SWT1: variants seen among roughly 807,000 people sequenced by gnomAD.
The protein encoded by SWT1 is transcriptional protein SWT1.
In SWT1, 33 loss-of-function variants were observed where a neutral mutation model predicts 107.3. The observed-to-expected ratio is 0.31, with a 90% CI of 0.23 to 0.41. The LOEUF (loss-of-function observed/expected upper bound fraction) is 0.41. Among genes scored for constraint, SWT1 ranks in the 10% least tolerant of loss-of-function variants. The pLI, the probability that SWT1 is intolerant of heterozygous loss-of-function variation, is 1.00. For synonymous variants in SWT1, 345 were observed against 348.3 expected, an observed-to-expected ratio of 0.99 and a Z score of 0.11; for missense variants, 898 against 1,028.9, an observed-to-expected ratio of 0.87 and a Z score of 1.74.
intron 5 of SWT1, chr1:185,176,749 C>A: frequency 4.5e-6 from 4 of 884,350 alleles, no homozygotes; most frequent in Non-Finnish European, 5.4e-6. Context: ...CTTTGGGAGG[C>A]CGAGGTGGGC....
intron 14 of SWT1, among the ~76,000 whole-genome samples, chr1:185,218,482 A>T (rs1659392797): frequency 6.6e-6 from 1 of 151,946 alleles, no homozygotes; most frequent in African/African-American, 2.4e-5. Flanking sequence ...GCTAATTTTT[A>T]AATTTTTTTG....
In SWT1 at chr1:185,237,635, C is replaced by T. The variant is rs1411820683; in HGVS notation, c.2441+5927C>T. On this transcript the variant is annotated intron_variant, in intron 16 of 18. Transcript: ENST00000367500. ...ATGGGTGCAGGAAACCACAATGGAA[C>T]GTGTATACCTATGTAACAAACCTGC... 2.0e-5 allele frequency among the ~76,000 whole-genome samples: 3 copies of T among 152,068 alleles called. No individual in the cohort carries two copies. In the East Asian group the frequency reaches 5.8e-4, roughly 29 times the overall value.
chr1:185,221,627 A>G (rs924824478), intron 14 of SWT1, among the ~76,000 whole-genome samples: 1 of 152,184 alleles, frequency 6.6e-6, no homozygotes, highest in African/African-American at 2.4e-5. Flanking sequence ...AGCGAAACAA[A>G]TCATTATAAG....
At chr1:185,207,788 C>G (rs1658456202) in intron 13 of SWT1, among the ~76,000 whole-genome samples, 1 of 152,048 alleles carries the variant, frequency 6.6e-6, no homozygotes, top group Non-Finnish European at 1.5e-5. Flanking sequence ...GTAGACCCAG[C>G]TACTTGGGAG....
At position 185,231,613 on chromosome 1, in the gene SWT1, T is replaced by C. The variant is rs1660513489; in HGVS notation, c.2346T>C (p.Ala782=). Residue 782 remains alanine, a synonymous_variant, in exon 16 of 19, where the codon GCT becomes GCC. Coordinates refer to ENST00000367500, the MANE Select transcript of SWT1 (RefSeq NM_017673.7). ...DVFQRLGSNS[A]LTTSNIASFE... is the part of the protein sequence containing the mutation. ...TTCAAAGATTGGGCTCAAATTCAGC[T>C]CTGACTACTTCAAATATAGCATCAT... 6.2e-7 allele frequency: 1 copy of C among 1,610,860 alleles called. No homozygotes were observed. Among genetic ancestry groups the C allele is most frequent in the African/African-American group, 1.3e-5 (1 of 74,980 alleles).
At chr1:185,240,978 A>C (rs1243238785) in intron 16 of SWT1, among the ~76,000 whole-genome samples, 1 of 152,106 alleles carries the variant, frequency 6.6e-6, no homozygotes, top group East Asian at 1.9e-4. Context: ...ATATGCTTCA[A>C]AGATACTGAT....
At chr1:185,187,704 G>C (rs1430208967) in intron 9 of SWT1, among the ~76,000 whole-genome samples, 1 of 151,792 alleles carries the variant, frequency 6.6e-6, no homozygotes, top group East Asian at 1.9e-4. Flanking sequence ...ATTTTTTTGA[G>C]ATGGAGTTTT....
intron 18 of SWT1, among the ~76,000 whole-genome samples, chr1:185,278,432 T>C (rs1664395127): frequency 6.6e-6 from 1 of 152,136 alleles, no homozygotes; most frequent in African/African-American, 2.4e-5. Context: ...CTGTGAGAAA[T>C]TTATCTTGTT....
chr1:185,259,584 T>C (rs1662881652), intron 16 of SWT1, among the ~76,000 whole-genome samples: 1 of 152,156 alleles, frequency 6.6e-6, no homozygotes, highest in African/African-American at 2.4e-5. Flanking sequence ...AAAATATTTA[T>C]AAATTGAGTG....
At chr1:185,285,524 G>A (rs1287131430) in intron 18 of SWT1, among the ~76,000 whole-genome samples, 1 of 152,088 alleles carries the variant, frequency 6.6e-6, no homozygotes, top group East Asian at 1.9e-4. Context: ...ATCCTTTGGT[G>A]CACAAAAGTT....
At position 185,205,115 on chromosome 1, in the gene SWT1, C is replaced by T. The variant is rs549215870; in HGVS notation, c.1833+252C>T. Among the ~76,000 whole-genome samples, 8 of 152,118 alleles carry T rather than the reference C, an allele frequency of 5.3e-5. No individual in the cohort carries two copies. The East Asian group carries it at 7.7e-4, about 15-fold the overall frequency. On this transcript the variant is annotated intron_variant, in intron 12 of 18. Coordinates refer to ENST00000367500, the MANE Select transcript of SWT1 (RefSeq NM_017673.7). ...TTGCATCTGCTGTGTGTCAGATGCA[C>T]TGTCCCATGGTGCTTAAATTGAATG...
chr1:185,238,037 A>G (rs1314067179), intron 16 of SWT1, among the ~76,000 whole-genome samples: 1 of 150,906 alleles, frequency 6.6e-6, no homozygotes, highest in Non-Finnish European at 1.5e-5. Context: ...CCCAGGCTGG[A>G]GTACAGTGGA....
chr1:185,226,637 TTTAG>T (rs1660079406), intron 15 of SWT1, among the ~76,000 whole-genome samples: 1 of 152,156 alleles, frequency 6.6e-6, no homozygotes, highest in South Asian at 2.1e-4. Flanking sequence ...TTACAAGGAA[TTTAG>T]TTAAGTGTTA....
intron 16 of SWT1, among the ~76,000 whole-genome samples, chr1:185,270,426 G>T (rs1421694265): frequency 6.6e-6 from 1 of 152,092 alleles, no homozygotes; most frequent in South Asian, 2.1e-4. Context: ...TTATGGCCGG[G>T]TGCTGTGGCT....
rs111545687 is a variant in SWT1, at chr1:185,201,981, C to A, written c.1524-673C>A. The stretch of plus-strand genomic sequence containing the variant: ...TGGTTTAGATTTTATAATTCTCATT[C>A]GTAGTAGGGTTAGTGTGACCAAACT... On this transcript the variant is annotated intron_variant, in intron 10 of 18. Coordinates refer to ENST00000367500, the MANE Select transcript of SWT1 (RefSeq NM_017673.7). Among the ~76,000 whole-genome samples the A allele has an allele frequency of 6.8e-4, 104 of 152,004 alleles. 1 individual carries two copies. In the Middle Eastern group the frequency reaches 0.014, roughly 20 times the overall value.
chr1:185,266,073 T>A (rs1021532958), intron 16 of SWT1, among the ~76,000 whole-genome samples: 6 of 152,284 alleles, frequency 3.9e-5, no homozygotes, highest in Admixed American at 3.3e-4. Context: ...AATTTTATTT[T>A]TTTTTTCTGA....
intron 14 of SWT1, among the ~76,000 whole-genome samples, chr1:185,217,366 A>G (rs1009561926): frequency 5.3e-5 from 8 of 152,178 alleles, no homozygotes; most frequent in Admixed American, 3.9e-4. Flanking sequence ...TTACTGTCTG[A>G]GCCCCACCTT....
At chr1:185,272,063 A>G (rs534380606) in intron 17 of SWT1, among the ~76,000 whole-genome samples, 1 of 152,308 alleles carries the variant, frequency 6.6e-6, no homozygotes, top group African/African-American at 2.4e-5. Context: ...TGTTGTGACA[A>G]CCAAAAGTAT....
rs1375981476 is a variant in SWT1 at position 185,173,699 on chromosome 1, C to T, written c.225-673C>T. Among the ~76,000 whole-genome samples, 3 of 151,450 alleles carry T rather than the reference C, an allele frequency of 2.0e-5. 1 individual carries two copies. The highest frequency in any genetic ancestry group is 4.2e-4 in the South Asian group (2 of 4,802). On this transcript the variant is annotated intron_variant, in intron 4 of 18. Coordinates refer to ENST00000367500, the MANE Select transcript of SWT1 (RefSeq NM_017673.7). ...ACTCCAGCCTGGTGACAAAGTGAGG[C>T]GCTGTCTCAAAAAAAGAAAAAGAGA...
Sources: allele counts gnomAD v4.1 joint callset (sites outside exome capture counted in the v4.1 genomes callset), GRCh38; gene constraint gnomAD v4.1.1; transcripts MANE v1.5; gene names NCBI Gene and HGNC (gene_info 2026-07-23, HGNC 2026-07-21).